Variants in KIRREL1 observed in about 807,000 individuals in gnomAD.
The protein encoded by KIRREL1 is kin of IRRE-like protein 1.
A neutral mutation model predicts 83.3 loss-of-function variants in KIRREL1; 25 were observed. The ratio of observed to expected loss-of-function variants is 0.30; its 90% CI spans 0.22 to 0.42. KIRREL1 has a LOEUF of 0.42. Among genes scored for constraint, KIRREL1 ranks in the 10% least tolerant of loss-of-function variants. KIRREL1 has a pLI of 1.00. For missense variants in KIRREL1, 812 were observed against 1,032.3 expected (o/e 0.79, Z 2.92); for synonymous variants, 388 against 410.4 (o/e 0.95, Z 0.66).
chr1:158,044,592 G>T (rs1372367224), intron 1 of KIRREL1, among the ~76,000 whole-genome samples: 1 of 152,098 alleles, frequency 6.6e-6, no homozygotes, highest in South Asian at 2.1e-4. Context: ...TTTGTCTCCC[G>T]GATTCAAGCG....
intron 1 of KIRREL1, among the ~76,000 whole-genome samples, chr1:158,060,368 A>G (rs1357608494): frequency 2.0e-5 from 3 of 151,978 alleles, no homozygotes; most frequent in South Asian, 2.1e-4. Context: ...CCCTTCTACT[A>G]TTGCCCTGCA....
At chr1:158,060,996 G>C (rs1661202873) in intron 1 of KIRREL1, among the ~76,000 whole-genome samples, 1 of 152,118 alleles carries the variant, frequency 6.6e-6, no homozygotes, top group African/African-American at 2.4e-5. Context: ...AGAGAATTCT[G>C]CCTGTAAACC....
At chr1:158,093,993 AGT>A (rs969248601) in intron 13 of KIRREL1, among the ~76,000 whole-genome samples, 3 of 152,212 alleles carry the variant, frequency 2.0e-5, no homozygotes, top group Non-Finnish European at 2.9e-5. Context: ...TTTGCCCCAC[AGT>A]GTGTGAAAGT....
intron 1 of KIRREL1, among the ~76,000 whole-genome samples, chr1:158,001,659 A>G (rs1659364343): frequency 6.6e-6 from 1 of 152,178 alleles, no homozygotes; most frequent in African/African-American, 2.4e-5. Flanking sequence ...TGGATGTGGC[A>G]GGAAGAGGGA....
intron 1 of KIRREL1, among the ~76,000 whole-genome samples, chr1:157,994,354 T>C (rs1297591872): frequency 7.2e-6 from 1 of 139,520 alleles, no homozygotes; most frequent in Non-Finnish European, 1.6e-5. Flanking sequence ...GAGAGTGGAG[T>C]TCCACATACA....
chr1:158,090,705 A>G (rs1291516322), intron 10 of KIRREL1, among the ~76,000 whole-genome samples: 1 of 152,168 alleles, frequency 6.6e-6, no homozygotes, highest in Non-Finnish European at 1.5e-5. Flanking sequence ...TCTGCCTATT[A>G]TAAGTCTGTG....
chr1:158,029,370 C>CTGTGTGTGTGT lies in KIRREL1; in HGVS notation c.52+35642_52+35643insTGTGTGTGTGT, dbSNP rs1258028201. On this transcript the variant is annotated intron_variant, in intron 1 of 14. Coordinates refer to ENST00000359209, the MANE Select transcript of KIRREL1 (RefSeq NM_018240.7). ...GTGTGTGTGTGTGTGTGTGTGTGCA[C>CTGTGTGTGTGT]GTGCGCGCGCATGCACACATGCATG... Among the ~76,000 whole-genome samples, 67 of 10,454 alleles carry CTGTGTGTGTGT rather than the reference C, an allele frequency of 6.4e-3. 1 individual carries two copies. Among genetic ancestry groups the CTGTGTGTGTGT allele is most frequent in the African/African-American group, 9.8e-3 (64 of 6,514 alleles). The allele number at this position is 10,454 out of a possible 152,430, so 6.9% of individuals were successfully genotyped here.
At chr1:158,054,358 C>G (rs1006965131) in intron 1 of KIRREL1, among the ~76,000 whole-genome samples, 3 of 151,912 alleles carry the variant, frequency 2.0e-5, no homozygotes, top group Non-Finnish European at 2.9e-5. Context: ...AACAAAATTT[C>G]TTGCCAACAA....
intron 1 of KIRREL1, among the ~76,000 whole-genome samples, chr1:158,054,165 A>C (rs1194263186): frequency 7.3e-6 from 1 of 137,876 alleles, no homozygotes; most frequent in Non-Finnish European, 1.5e-5. Context: ...GTGAGCTGAG[A>C]TCGTGTCACT....
At position 158,031,901 on chromosome 1, in the gene KIRREL1, G is replaced by A. The variant is rs191341980; in HGVS notation, c.52+38173G>A. Among the ~76,000 whole-genome samples the A allele has an allele frequency of 2.9e-3, 440 of 152,224 alleles. 5 individuals carry two copies. The highest frequency in any genetic ancestry group is 0.01 in the African/African-American group (422 of 41,526). ...AAATTTGAGACTAGCCTGGGCAACA[G>A]GGTTAGAAACCATTTCTACAAAAGA... On this transcript the variant is annotated intron_variant, in intron 1 of 14. Transcript: ENST00000359209.
chr1:158,042,688 A>G (rs1336453616), intron 1 of KIRREL1, among the ~76,000 whole-genome samples: 1 of 152,158 alleles, frequency 6.6e-6, no homozygotes, highest in African/African-American at 2.4e-5. Flanking sequence ...CCAGTTTTGC[A>G]GATGAGAAAA....
intron 1 of KIRREL1, among the ~76,000 whole-genome samples, chr1:158,006,515 T>C (rs1374702370): frequency 6.6e-6 from 1 of 152,226 alleles, no homozygotes; most frequent in Non-Finnish European, 1.5e-5. Flanking sequence ...CGAGACTGCC[T>C]CCTGGGCCCC....
intron 1 of KIRREL1, among the ~76,000 whole-genome samples, chr1:158,007,241 G>T (rs1659542835): frequency 6.6e-6 from 1 of 152,302 alleles, no homozygotes; most frequent in Admixed American, 6.5e-5. Context: ...GGACCCTGTT[G>T]TGCATCTGCA....
intron 5 of KIRREL1, 58 bp downstream of exon 5, chr1:158,086,804 A>G (rs1662030528): frequency 1.4e-6 from 2 of 1,451,946 alleles, no homozygotes; most frequent in Admixed American, 4.0e-5. Context: ...GGTGTGTTTG[A>G]GAAGCACACT....
At chr1:157,995,924 T>G in intron 1 of KIRREL1, among the ~76,000 whole-genome samples, 1 of 148,768 alleles carries the variant, frequency 6.7e-6, no homozygotes, top group Non-Finnish European at 1.5e-5. Context: ...GGAGTAGGGG[T>G]CTGGGGAGAC....
Position 158,094,781 on chromosome 1 carries a change from C to A in KIRREL1, c.1935C>A (p.Ser645Arg). 1 of 1,614,038 alleles carries A rather than the reference C, an allele frequency of 6.2e-7. No homozygotes were observed. The highest frequency in any genetic ancestry group is 1.1e-5 in the South Asian group (1 of 91,084). The change falls in exon 15 of 15, where the codon AGC becomes AGA. Residue 645 changes from serine to arginine, a missense_variant. By Grantham distance (110) the Ser-to-Arg change is moderately radical (BLOSUM62 -1). Coordinates refer to ENST00000359209, the MANE Select transcript of KIRREL1 (RefSeq NM_018240.7). The surrounding 1 kb of genome is among the most constrained non-coding windows in gnomAD (Gnocchi z 4.6). ...GRPSSRLSHS[S>R]GYAQLNTYSR... ...CCTCATCCCGTCTCTCCCACTCCAG[C>A]GGCTATGCCCAGCTCAACACCTATA...
chr1:158,034,175 AG>A (rs1409702384), intron 1 of KIRREL1, among the ~76,000 whole-genome samples: 2 of 144,238 alleles, frequency 1.4e-5, no homozygotes, highest in Non-Finnish European at 3.0e-5. Context: ...CAGGAGGCTG[AG>A]GGAGAATGGC....
intron 1 of KIRREL1, among the ~76,000 whole-genome samples, chr1:158,041,993 C>T (rs1314302615): frequency 6.6e-6 from 1 of 152,092 alleles, no homozygotes; most frequent in Non-Finnish European, 1.5e-5. Context: ...AGTTCAAGGG[C>T]CTTCACAGGA....
At chr1:158,048,289 A>C (rs1660826272) in intron 1 of KIRREL1, among the ~76,000 whole-genome samples, 1 of 152,156 alleles carries the variant, frequency 6.6e-6, no homozygotes, top group Non-Finnish European at 1.5e-5. Flanking sequence ...ATGAAGAATT[A>C]TTTATGTTAT....
Sources: allele counts gnomAD v4.1 joint callset (sites outside exome capture counted in the v4.1 genomes callset), GRCh38; gene constraint gnomAD v4.1.1; non-coding constraint Gnocchi (gnomAD v3.1); transcripts MANE v1.5; gene names NCBI Gene and HGNC (gene_info 2026-07-23, HGNC 2026-07-21).